The following FSTL5 variants were observed in gnomAD, a reference collection of about 807,000 sequenced individuals.
The protein encoded by FSTL5 is follistatin-related protein 5.
A neutral mutation model predicts 89.1 loss-of-function variants in FSTL5; 62 were observed. That is an observed-to-expected ratio of 0.70 (90% CI 0.57 to 0.86). The LOEUF is 0.86. Ranked by LOEUF, FSTL5 falls within the 40% of genes least tolerant of loss-of-function variation. The pLI is 0.00. For synonymous variants in FSTL5, 383 were observed against 346.2 expected, an observed-to-expected ratio of 1.11 and a Z score of -1.18; for missense variants, 1,057 against 1,001.6, an observed-to-expected ratio of 1.06 and a Z score of -0.75.
At chr4:161,878,730 TA>T (rs1257424921) in intron 4 of FSTL5, among the ~76,000 whole-genome samples, 2 of 152,134 alleles carry the variant, frequency 1.3e-5, no homozygotes, top group African/African-American at 4.8e-5. Flanking sequence ...TACTATATAT[TA>T]GTGTTCCTGA....
chr4:161,787,324 T>C (rs1579092740), intron 4 of FSTL5, among the ~76,000 whole-genome samples: 1 of 152,218 alleles, frequency 6.6e-6, no homozygotes, highest in Non-Finnish European at 1.5e-5. Context: ...GAATTGGATT[T>C]GTGAGTGACT....
chr4:162,111,245 G>A (rs1400392682), intron 2 of FSTL5, 26 bp downstream of exon 2: 1 of 1,557,178 alleles, frequency 6.4e-7, no homozygotes, highest in Non-Finnish European at 8.7e-7. Context: ...CAGGCACTAT[G>A]AGCAGATTCA....
At chr4:161,860,732 A>G (rs1375689145) in intron 4 of FSTL5, among the ~76,000 whole-genome samples, 1 of 152,202 alleles carries the variant, frequency 6.6e-6, no homozygotes, top group Non-Finnish European at 1.5e-5. Flanking sequence ...AGACCATCTC[A>G]TAACACTATA....
chr4:161,641,684 G>A (rs998522110), intron 7 of FSTL5, among the ~76,000 whole-genome samples: 4 of 151,918 alleles, frequency 2.6e-5, no homozygotes, highest in South Asian at 4.1e-4. Context: ...TAGAGACGTG[G>A]TTTCACCGTG....
intron 1 of FSTL5, among the ~76,000 whole-genome samples, chr4:162,158,066 A>C (rs544461876): frequency 6.6e-6 from 1 of 152,114 alleles, no homozygotes; most frequent in Non-Finnish European, 1.5e-5. Context: ...TCTTGATTTA[A>C]TCTCACAGAC....
At chr4:162,086,915 A>G (rs1730344812) in intron 2 of FSTL5, among the ~76,000 whole-genome samples, 1 of 152,120 alleles carries the variant, frequency 6.6e-6, no homozygotes. Context: ...ATATTTTACA[A>G]TTACATATGA....
chr4:161,983,762 G>A (rs1403632106), intron 3 of FSTL5, among the ~76,000 whole-genome samples: 1 of 152,098 alleles, frequency 6.6e-6, no homozygotes, highest in Non-Finnish European at 1.5e-5. Context: ...CTTAGGGCAT[G>A]CAAATAAAAC....
intron 7 of FSTL5, among the ~76,000 whole-genome samples, chr4:161,632,645 C>T (rs1735540922): frequency 6.6e-6 from 1 of 152,092 alleles, no homozygotes; most frequent in Non-Finnish European, 1.5e-5. Flanking sequence ...TTCTCTAAAA[C>T]TAATAGTCTG....
Position 161,628,226 on chromosome 4 carries a change from C to G in FSTL5, c.894+28102G>C, listed in dbSNP as rs1175679242. ...TGATAGGCACTCAAAAATGTTAATT[C>G]TCTTCCCCATAAGTTTCTAACATTT... On this transcript the variant is annotated intron_variant, in intron 7 of 15. Transcript: ENST00000306100. Among the ~76,000 whole-genome samples, 10 of 152,144 alleles carry G rather than the reference C, an allele frequency of 6.6e-5. No individual in the cohort carries two copies. In the East Asian group the frequency reaches 1.9e-3, roughly 29 times the overall value.
At chr4:161,893,873 T>G (rs1376006512) in intron 4 of FSTL5, among the ~76,000 whole-genome samples, 1 of 152,152 alleles carries the variant, frequency 6.6e-6, no homozygotes, top group Non-Finnish European at 1.5e-5. Flanking sequence ...AGATTCAATA[T>G]CCTGGTGCCT....
At chr4:161,935,300 T>C (rs1010303150) in intron 3 of FSTL5, among the ~76,000 whole-genome samples, 6 of 152,270 alleles carry the variant, frequency 3.9e-5, no homozygotes, top group African/African-American at 1.4e-4. Context: ...AGGATATTTA[T>C]TACCAACTTA....
intron 2 of FSTL5, among the ~76,000 whole-genome samples, chr4:162,061,063 T>C (rs1738702846): frequency 6.6e-6 from 1 of 152,106 alleles, no homozygotes; most frequent in Admixed American, 6.6e-5. Flanking sequence ...TATTAAAATG[T>C]ATATTTAACT....
At chr4:161,556,289 T>C (rs1381215778) in intron 8 of FSTL5, among the ~76,000 whole-genome samples, 1 of 151,664 alleles carries the variant, frequency 6.6e-6, no homozygotes, top group Non-Finnish European at 1.5e-5. Context: ...CTTTCAATAT[T>C]ATATTAAAAT....
chr4:161,721,658 C>G (rs1739223510), intron 6 of FSTL5, among the ~76,000 whole-genome samples: 1 of 152,142 alleles, frequency 6.6e-6, no homozygotes, highest in Non-Finnish European at 1.5e-5. Flanking sequence ...CCTTGTAATG[C>G]AAGGCATCCA....
At chr4:162,086,216 A>G (rs1303858679) in intron 2 of FSTL5, among the ~76,000 whole-genome samples, 2 of 151,966 alleles carry the variant, frequency 1.3e-5, no homozygotes, top group Non-Finnish European at 2.9e-5. Flanking sequence ...TAGATTAGAA[A>G]AAATACACTC....
chr4:161,618,339 G>A (rs1578971461), intron 7 of FSTL5, among the ~76,000 whole-genome samples: 1 of 134,094 alleles, frequency 7.5e-6, no homozygotes, highest in East Asian at 2.1e-4. Flanking sequence ...TAATTGCCCT[G>A]GCCAGAACTT....
rs563928906 is a variant in FSTL5, at chr4:161,960,376, A to G, written c.161-39724T>C. Among the ~76,000 whole-genome samples, 8 of 151,794 alleles carry G rather than the reference A, an allele frequency of 5.3e-5. No individual in the cohort carries two copies. In the East Asian group the frequency reaches 1.4e-3, roughly 26 times the overall value. On this transcript the variant is annotated intron_variant, in intron 3 of 15. Transcript: ENST00000306100. ...TTTTTAGTAGAGATGAGGCTTCACC[A>G]TGTTGGTCAGGCTGGTCTCAAACTC...
chr4:161,735,121 T>C (rs1331096796), intron 6 of FSTL5, among the ~76,000 whole-genome samples: 1 of 152,182 alleles, frequency 6.6e-6, no homozygotes, highest in Non-Finnish European at 1.5e-5. Context: ...CCCATAACCT[T>C]CTTCTAGGAT....
chr4:161,936,088 G>A (rs1177499542), intron 3 of FSTL5, among the ~76,000 whole-genome samples: 1 of 152,146 alleles, frequency 6.6e-6, no homozygotes, highest in Non-Finnish European at 1.5e-5. Context: ...GCTGAGGCAT[G>A]AGATTCGCTT....
Sources: allele counts gnomAD v4.1 joint callset (sites outside exome capture counted in the v4.1 genomes callset), GRCh38; gene constraint gnomAD v4.1.1; transcripts MANE v1.5; gene names NCBI Gene and HGNC (gene_info 2026-07-23, HGNC 2026-07-21).